ADGRB3: variants seen among roughly 807,000 people sequenced by gnomAD.
ADGRB3 encodes brain-specific angiogenesis inhibitor 3.
ADGRB3 carries 37 observed loss-of-function variants against 193.4 expected under a neutral mutation model. The observed-to-expected ratio is 0.19, with a 90% confidence interval of 0.15 to 0.25. The LOEUF (loss-of-function observed/expected upper bound fraction) is 0.25. ADGRB3 is among the 10% of genes least tolerant of loss of function. The pLI is 1.00. For missense variants in ADGRB3, 1,637 were observed against 1,852.9 expected, an observed-to-expected ratio of 0.88 and a Z score of 2.14; for synonymous variants, 690 against 644.2, an observed-to-expected ratio of 1.07 and a Z score of -1.08.
At chr6:69,154,610 C>T (rs983628443) in intron 17 of ADGRB3, among the ~76,000 whole-genome samples, 5 of 152,166 alleles carry the variant, frequency 3.3e-5, no homozygotes, top group South Asian at 2.1e-4. Context: ...CTCTGCCTTC[C>T]GTTTTCCCAG....
chr6:69,297,575 T>C (rs1767857054), intron 20 of ADGRB3, among the ~76,000 whole-genome samples: 1 of 151,896 alleles, frequency 6.6e-6, no homozygotes, highest in South Asian at 2.1e-4. Flanking sequence ...GGAGGAGGAA[T>C]ATTGGTTGTC....
At chr6:68,870,319 T>C (rs7750081) in intron 3 of ADGRB3, among the ~76,000 whole-genome samples, 1,704 of 152,318 alleles carry the variant, frequency 0.011, 50 homozygotes, top group African/African-American at 0.039. Flanking sequence ...CCGCATTAAA[T>C]CACAGTTGTA....
At chr6:69,157,230 G>C (rs1328114974) in intron 17 of ADGRB3, among the ~76,000 whole-genome samples, 4 of 152,122 alleles carry the variant, frequency 2.6e-5, no homozygotes, top group Non-Finnish European at 5.9e-5. Context: ...AGCAGTACCA[G>C]GTAATTACTG....
chr6:68,683,028 A>C (rs1764923887), intron 3 of ADGRB3, among the ~76,000 whole-genome samples: 1 of 152,092 alleles, frequency 6.6e-6, no homozygotes, highest in Non-Finnish European at 1.5e-5. Flanking sequence ...CAGGTGATCC[A>C]ACCACCTTGG....
chr6:69,113,362 A>C (rs2150326445), intron 17 of ADGRB3, among the ~76,000 whole-genome samples: 1 of 151,758 alleles, frequency 6.6e-6, no homozygotes, highest in African/African-American at 2.4e-5. Context: ...TATATGTATC[A>C]TATATATGTA....
At chr6:68,830,827 G>A (rs1220083702) in intron 3 of ADGRB3, among the ~76,000 whole-genome samples, 2 of 151,792 alleles carry the variant, frequency 1.3e-5, no homozygotes, top group Non-Finnish European at 2.9e-5. Context: ...GGAGTGGGGA[G>A]GGAAATAAGG....
intron 5 of ADGRB3, among the ~76,000 whole-genome samples, chr6:68,940,209 C>A (rs1451780799): frequency 6.6e-6 from 1 of 152,146 alleles, no homozygotes; most frequent in Non-Finnish European, 1.5e-5. Flanking sequence ...AAATAGAGCG[C>A]TACTTTCAAT....
chr6:69,364,525 A>G (rs1769527445), intron 29 of ADGRB3, among the ~76,000 whole-genome samples: 1 of 152,062 alleles, frequency 6.6e-6, no homozygotes, highest in Non-Finnish European at 1.5e-5. Context: ...GCATAAAAAC[A>G]TATCTAGATT....
rs182628976 is a variant in ADGRB3 at position 69,048,143 on chromosome 6, G to C, written c.2108-42G>C. ...TGATCAACACTGATTACACTAAAAT[G>C]TAAAGCAAGTTTAATTGAAATTATT... On this transcript the variant is annotated intron_variant, in intron 13 of 31. Transcript: ENST00000370598. 5 of 1,584,108 alleles carry C rather than the reference G, an allele frequency of 3.2e-6. No homozygotes were observed. The Admixed American group carries it at 7.1e-5, about 22-fold the overall frequency.
chr6:69,052,015 T>C (rs678710), intron 15 of ADGRB3, among the ~76,000 whole-genome samples: 145,435 of 152,206 alleles, frequency 0.96, 69,790 homozygotes, highest in East Asian at 1. Context: ...CTCAGCCTCC[T>C]GAATAGCTGG....
At chr6:69,076,636 C>T (rs1772240797) in intron 17 of ADGRB3, among the ~76,000 whole-genome samples, 1 of 151,878 alleles carries the variant, frequency 6.6e-6, no homozygotes, top group Non-Finnish European at 1.5e-5. Context: ...ATCAAAATCA[C>T]CTTTATTTTA....
chr6:69,156,950 C>T (rs1459426857), intron 17 of ADGRB3, among the ~76,000 whole-genome samples: 1 of 152,154 alleles, frequency 6.6e-6, no homozygotes, highest in Non-Finnish European at 1.5e-5. Flanking sequence ...GTATAATTAG[C>T]CTTCCAGCAG....
chr6:68,855,845 C>T (rs1034632063), intron 3 of ADGRB3, among the ~76,000 whole-genome samples: 1 of 152,120 alleles, frequency 6.6e-6, no homozygotes, highest in South Asian at 2.1e-4. Flanking sequence ...AATAGTGAGA[C>T]CCCCATCTCT....
At chr6:68,969,349 G>T (rs1386395627) in intron 8 of ADGRB3, among the ~76,000 whole-genome samples, 1 of 152,104 alleles carries the variant, frequency 6.6e-6, no homozygotes, top group Non-Finnish European at 1.5e-5. Context: ...CACATCTGTG[G>T]ATTGAACCAA....
In ADGRB3 at chr6:69,129,620, C is replaced by A. The variant is rs145272657; in HGVS notation, c.2480+53582C>A. On this transcript the variant is annotated intron_variant, in intron 17 of 31. Transcript: ENST00000370598. ...AATTAAAACGTTTCATTCTTAAAAT[C>A]GCTACACATATGCTATTACATTATT... is the stretch of plus-strand genomic sequence containing the variant. Among the ~76,000 whole-genome samples the A allele has an allele frequency of 2.2e-4, 34 of 152,164 alleles. No homozygotes were observed. The East Asian group carries it at 6.0e-3, about 27-fold the overall frequency.
chr6:68,876,321 G>A (rs948364395), intron 3 of ADGRB3, among the ~76,000 whole-genome samples: 4 of 152,010 alleles, frequency 2.6e-5, no homozygotes, highest in Admixed American at 6.6e-5. Context: ...AAACTGAAGC[G>A]TATTAGTCAA....
intron 17 of ADGRB3, among the ~76,000 whole-genome samples, chr6:69,198,907 C>T (rs1765355703): frequency 6.6e-6 from 1 of 152,078 alleles, no homozygotes; most frequent in Admixed American, 6.6e-5. Flanking sequence ...CTATCAAAAT[C>T]CAAAAGAAAT....
chr6:69,206,237 G>T (rs984858334), intron 17 of ADGRB3, among the ~76,000 whole-genome samples: 1 of 151,594 alleles, frequency 6.6e-6, no homozygotes, highest in Non-Finnish European at 1.5e-5. Context: ...GATGTAGGCT[G>T]GGAAGCTAGT....
chr6:69,066,216 A>G (rs1487735722), intron 16 of ADGRB3, among the ~76,000 whole-genome samples: 1 of 151,598 alleles, frequency 6.6e-6, no homozygotes, highest in South Asian at 2.1e-4. Context: ...ATGTATACAC[A>G]TATACATGCC....
Sources: allele counts gnomAD v4.1 joint callset (sites outside exome capture counted in the v4.1 genomes callset), GRCh38; gene constraint gnomAD v4.1.1; transcripts MANE v1.5; gene names NCBI Gene and HGNC (gene_info 2026-07-23, HGNC 2026-07-21).